Variants in FAM193A observed in about 807,000 individuals in gnomAD.
The protein encoded by FAM193A is family with sequence similarity 193 member A, also known as protein FAM193A.
In FAM193A, 22 loss-of-function variants were observed where a neutral mutation model predicts 126.5. That is an observed-to-expected ratio of 0.17 (90% CI 0.12 to 0.25). The LOEUF (loss-of-function observed/expected upper bound fraction) is 0.25, where lower values mean the gene tolerates loss of function less well. Ranked by LOEUF, FAM193A falls within the 10% of genes least tolerant of loss-of-function variation. The pLI is 1.00. For synonymous variants in FAM193A, 761 were observed against 646.8 expected (o/e 1.18, Z -2.68); for missense variants, 1,675 against 1,672.8 (o/e 1.00, Z -0.02).
chr4:2,638,814 A>G (rs1274755562), intron 5 of FAM193A, among the ~76,000 whole-genome samples: 2 of 152,216 alleles, frequency 1.3e-5, no homozygotes, highest in Admixed American at 6.5e-5. Flanking sequence ...TTCATTTGCT[A>G]AGGTCTCCAT....
chr4:2,642,937 G>A (rs1276812827), intron 6 of FAM193A, among the ~76,000 whole-genome samples: 3 of 151,728 alleles, frequency 2.0e-5, no homozygotes, highest in Non-Finnish European at 2.9e-5. Context: ...GGGTTTCACC[G>A]TGAAAACTCC....
intron 1 of FAM193A, among the ~76,000 whole-genome samples, chr4:2,546,924 C>T (rs1443695267): frequency 6.6e-6 from 1 of 152,092 alleles, no homozygotes; most frequent in Non-Finnish European, 1.5e-5. Context: ...TTGAGATTTT[C>T]AGTGGTTTTT....
intron 19 of FAM193A, chr4:2,708,048 C>T: frequency 2.7e-6 from 1 of 370,338 alleles, no homozygotes; most frequent in South Asian, 1.9e-5. Context: ...CTGTGCCCAG[C>T]CTCAGATTGT....
intron 19 of FAM193A, among the ~76,000 whole-genome samples, chr4:2,705,498 A>G (rs1718202160): frequency 6.6e-6 from 1 of 151,592 alleles, no homozygotes; most frequent in Non-Finnish European, 1.5e-5. Flanking sequence ...ATATGTTTGG[A>G]AATTTTTCTT....
At chr4:2,726,202 G>C (rs562727797) in intron 20 of FAM193A, among the ~76,000 whole-genome samples, 29 of 152,134 alleles carry the variant, frequency 1.9e-4, no homozygotes, top group African/African-American at 5.8e-4. Context: ...CCCAGCCTCA[G>C]CTAATTTTTA....
chr4:2,616,563 A>AT (rs1176761666), intron 2 of FAM193A, among the ~76,000 whole-genome samples: 134 of 145,614 alleles, frequency 9.2e-4, no homozygotes, highest in Non-Finnish European at 1.3e-3. Context: ...AATGAATTGA[A>AT]TTTTTTTTTT....
chr4:2,682,849 A>G (rs947011554), intron 13 of FAM193A, among the ~76,000 whole-genome samples: 1 of 152,236 alleles, frequency 6.6e-6, no homozygotes, highest in African/African-American at 2.4e-5. Flanking sequence ...ATCACCCAGT[A>G]CAGTGATGAT....
At chr4:2,677,240 CAA>C (rs1714514639) in intron 13 of FAM193A, among the ~76,000 whole-genome samples, 1 of 152,120 alleles carries the variant, frequency 6.6e-6, no homozygotes, top group African/African-American at 2.4e-5. Flanking sequence ...CCATCCTTGT[CAA>C]AAATCATTTG....
At chr4:2,625,552 A>C in intron 3 of FAM193A, 157 bp downstream of exon 3, 2 of 464,876 alleles carry the variant, frequency 4.3e-6, no homozygotes, top group Middle Eastern at 5.5e-4. Context: ...TGAGTAAGAC[A>C]AAAACTGTTG....
rs780048454 is a variant in FAM193A at position 2,659,988 on chromosome 4, G to A, written c.1679G>A (p.Ser560Asn). The change falls in exon 10 of 21, where the codon AGC (serine) becomes AAC (asparagine). Residue 560 changes from serine to asparagine, a missense_variant. Coordinates refer to ENST00000637812, the MANE Select transcript of FAM193A (RefSeq NM_001366318.2). ...TCTGCAAGCTCGGGGTCCGGCTCCAGCTCTCCCATCACAATTCAGCAGCAC... is the reference window on the plus strand; with the variant it reads ...TCTGCAAGCTCGGGGTCCGGCTCCAACTCTCCCATCACAATTCAGCAGCAC... ...VSSASSGSGS[S>N]SPITIQQHPR... is the part of the protein sequence containing the mutation. 6 of 1,614,018 alleles carry A rather than the reference G, an allele frequency of 3.7e-6. No homozygotes were observed. In the African/African-American group the frequency reaches 8.0e-5, roughly 22 times the overall value.
At chr4:2,707,641 A>AT (rs901277818) in intron 19 of FAM193A, among the ~76,000 whole-genome samples, 56 of 151,770 alleles carry the variant, frequency 3.7e-4, no homozygotes, top group African/African-American at 1.3e-3. Flanking sequence ...TTTAAAAAAA[A>AT]TTTTTTTTAA....
chr4:2,664,983 C>A (rs1343159378), intron 12 of FAM193A, among the ~76,000 whole-genome samples: 2 of 152,170 alleles, frequency 1.3e-5, no homozygotes, highest in African/African-American at 4.8e-5. Flanking sequence ...GCATCGAATT[C>A]TTGAATATAT....
intron 1 of FAM193A, among the ~76,000 whole-genome samples, chr4:2,543,788 G>T (rs987508265): frequency 6.6e-5 from 10 of 150,644 alleles, no homozygotes; most frequent in South Asian, 4.2e-4. Context: ...AACCCGGGGT[G>T]GGGGGTGCAG....
rs1390151412 is a variant in FAM193A at position 2,693,686 on chromosome 4, GCCTGCTGCGCTGTCA to G, written c.2916_2930del (p.Ala976_Ala980del). 1 of 1,613,946 alleles carries G rather than the reference GCCTGCTGCGCTGTCA, an allele frequency of 6.2e-7. No individual in the cohort carries two copies. Reference sequence around the variant, plus strand: ...GCTTGGCCCCCCTCCCAGCGCTCTCGCCTGCTGCGCTGTCACCTGCTGCGCTCTCACCTGCCTCCA... The same window carrying G: ...GCTTGGCCCCCCTCCCAGCGCTCTCGCCTGCTGCGCTCTCACCTGCCTCCA... On this transcript the variant is annotated inframe_deletion, in exon 16 of 21. Transcript: ENST00000637812.
At chr4:2,636,490 C>T (rs1744105967) in intron 5 of FAM193A, among the ~76,000 whole-genome samples, 1 of 152,138 alleles carries the variant, frequency 6.6e-6, no homozygotes, top group Non-Finnish European at 1.5e-5. Context: ...ACTTACCCTA[C>T]TCTGTTCCGT....
chr4:2,677,406 GT>G (rs1257096635), intron 13 of FAM193A, among the ~76,000 whole-genome samples: 1 of 142,896 alleles, frequency 7.0e-6, no homozygotes, highest in Non-Finnish European at 1.5e-5. Context: ...TTTTTTTGTT[GT>G]TTTGTTTTGT....
intron 2 of FAM193A, among the ~76,000 whole-genome samples, chr4:2,618,409 G>A (rs1181216437): frequency 6.6e-6 from 1 of 151,784 alleles, no homozygotes; most frequent in South Asian, 2.1e-4. Context: ...AGTCTTCTCT[G>A]TGCTTCATTT....
chr4:2,582,440 G>T (rs1396965302), intron 1 of FAM193A, among the ~76,000 whole-genome samples: 2 of 152,220 alleles, frequency 1.3e-5, no homozygotes, highest in African/African-American at 4.8e-5. Flanking sequence ...CTTGGTCAGT[G>T]TTTATTTCCT....
In FAM193A at chr4:2,646,711, G is replaced by A. The variant is rs369770060; in HGVS notation, c.1190G>A (p.Cys397Tyr). 7 of 1,612,128 alleles carry A rather than the reference G, an allele frequency of 4.3e-6. No individual in the cohort carries two copies. The highest frequency in any genetic ancestry group is 1.3e-5 in the African/African-American group (1 of 74,810). ...IRLGTTTHDT[C>Y]SEDTYSTLLQ... is the part of the protein sequence containing the mutation. ...CTAGGAACCACCACACACGACACCTGCAGTGAGGACACATACAGTACCTTG... is the reference window on the plus strand; with the variant it reads ...CTAGGAACCACCACACACGACACCTACAGTGAGGACACATACAGTACCTTG... The change falls in exon 7 of 21, where the codon TGC becomes TAC. Residue 397 changes from cysteine (C) to tyrosine (Y), a missense_variant. Cys to Tyr is a radical substitution (Grantham distance 194). Coordinates refer to ENST00000637812, the MANE Select transcript of FAM193A (RefSeq NM_001366318.2).
Sources: gnomAD v4.1 joint callset for allele counts (sites outside exome capture counted in the v4.1 genomes callset) on GRCh38, gnomAD v4.1.1 for gene constraint, MANE v1.5 for transcripts, NCBI Gene and HGNC (gene_info 2026-07-23, HGNC 2026-07-21) for gene names.